The following GALNT18 variants were observed in gnomAD, a reference collection of about 807,000 sequenced individuals.
The protein encoded by GALNT18 is polypeptide N-acetylgalactosaminyltransferase 18.
A neutral mutation model predicts 69.5 loss-of-function variants in GALNT18; 44 were observed. The ratio of observed to expected loss-of-function variants is 0.63; its 90% CI spans 0.50 to 0.81. The LOEUF (loss-of-function observed/expected upper bound fraction) is 0.81, where lower values mean the gene tolerates loss of function less well. GALNT18 is among the 40% of genes least tolerant of loss of function. The pLI, the probability that GALNT18 is intolerant of heterozygous loss-of-function variation, is 0.00. For synonymous variants in GALNT18, 364 were observed against 318.2 expected, an observed-to-expected ratio of 1.14 and a Z score of -1.53; for missense variants, 715 against 810.0, an observed-to-expected ratio of 0.88 and a Z score of 1.42.
rs1473430795 is a variant in GALNT18, at chr11:11,592,065, T to C, written c.235+29294A>G. Among the ~76,000 whole-genome samples the C allele has an allele frequency of 3.3e-5, 5 of 152,218 alleles. No individual in the cohort carries two copies. Among genetic ancestry groups the C allele is most frequent in the Non-Finnish European group, 5.9e-5 (4 of 68,028 alleles). ...AAGATAAAGTGAGATAATTTGTGCA[T>C]AGCATTTAGCATGGTACCTGGCATG... is the stretch of plus-strand genomic sequence containing the variant. On this transcript the variant is annotated intron_variant, in intron 1 of 10. Coordinates refer to ENST00000227756, the MANE Select transcript of GALNT18 (RefSeq NM_198516.3). This position sits in a 1 kb window ranked among gnomAD's most constrained non-coding sequence, Gnocchi z 5.9.
Position 11,377,468 on chromosome 11 carries a change from G to T in GALNT18, c.780-89C>A, listed in dbSNP as rs1853794976. The T allele has an allele frequency of 1.1e-5, 13 of 1,178,960 alleles. No individual in the cohort carries two copies. In the South Asian group the frequency reaches 1.6e-4, roughly 14 times the overall value. The allele number at this position is 1,178,960 out of a possible 1,614,324, so 73.0% of individuals were successfully genotyped here. On this transcript the variant is annotated intron_variant, in intron 4 of 10. Transcript: ENST00000227756. The surrounding 1 kb of genome is among the most constrained non-coding windows in gnomAD (Gnocchi z 4.6). ...ATCTCCTGAAGGTCCTTCCCCAGCAGAAAGAGGAAGGAAGGCCTGCCCATC... is the reference window on the plus strand; with the variant it reads ...ATCTCCTGAAGGTCCTTCCCCAGCATAAAGAGGAAGGAAGGCCTGCCCATC...
intron 6 of GALNT18, among the ~76,000 whole-genome samples, chr11:11,362,266 G>A (rs972363677): frequency 2.6e-5 from 4 of 152,034 alleles, no homozygotes; most frequent in Admixed American, 2.0e-4. Context: ...ACCTGAGAGT[G>A]GGTAAGATTT....
chr11:11,271,466 G>A (rs1470023431), intron 10 of GALNT18, among the ~76,000 whole-genome samples, 176 bp from the exon 11 acceptor site: 2 of 152,124 alleles, frequency 1.3e-5, no homozygotes, highest in African/African-American at 4.8e-5. Context: ...AGTCTCCTCT[G>A]GAAGACTGAA....
rs538048703 is a variant in GALNT18 at position 11,381,331 on chromosome 11, G to A, written c.596-2067C>T. Among the ~76,000 whole-genome samples, 6 of 152,296 alleles carry A rather than the reference G, an allele frequency of 3.9e-5. No individual in the cohort carries two copies. The South Asian group carries it at 1.2e-3, about 32-fold the overall frequency. Reference sequence around the variant, plus strand: ...GTGTTGAGTGCACAGAACTTGAAGTGAGAACTGGGCTAGTACCAAATGGCC... The same window carrying A: ...GTGTTGAGTGCACAGAACTTGAAGTAAGAACTGGGCTAGTACCAAATGGCC... On this transcript the variant is annotated intron_variant, in intron 3 of 10. Coordinates refer to ENST00000227756, the MANE Select transcript of GALNT18 (RefSeq NM_198516.3).
At chr11:11,298,737 T>C (rs1439382609) in intron 9 of GALNT18, among the ~76,000 whole-genome samples, 1 of 152,198 alleles carries the variant, frequency 6.6e-6, no homozygotes, top group Non-Finnish European at 1.5e-5. Flanking sequence ...TCACAGCAGG[T>C]CTTCTTTTGT....
Position 11,604,171 on chromosome 11 carries a change from C to T in GALNT18, c.235+17188G>A, listed in dbSNP as rs955578501. 6.6e-6 allele frequency among the ~76,000 whole-genome samples: 1 copy of T among 152,234 alleles called. No homozygotes were observed. The highest frequency in any genetic ancestry group is 2.4e-5 in the African/African-American group (1 of 41,456). On this transcript the variant is annotated intron_variant, in intron 1 of 10. Coordinates refer to ENST00000227756, the MANE Select transcript of GALNT18 (RefSeq NM_198516.3). This position sits in a 1 kb window ranked among gnomAD's most constrained non-coding sequence, Gnocchi z 5.6. Reference sequence around the variant, plus strand: ...ATAAGTGTCTGTTATTAATACACCACACAGTTTATGGTATTTTGTTATAGC... The same window carrying T: ...ATAAGTGTCTGTTATTAATACACCATACAGTTTATGGTATTTTGTTATAGC...
chr11:11,454,054 C>T lies in GALNT18; in HGVS notation c.236-5118G>A, dbSNP rs564561521. Among the ~76,000 whole-genome samples the T allele has an allele frequency of 2.6e-5, 4 of 152,118 alleles. No homozygotes were observed. Among genetic ancestry groups the T allele is most frequent in the Admixed American group, 6.5e-5 (1 of 15,270 alleles). On this transcript the variant is annotated intron_variant, in intron 1 of 10. Transcript: ENST00000227756. This position sits in a 1 kb window ranked among gnomAD's most constrained non-coding sequence, Gnocchi z 4.2. The stretch of plus-strand genomic sequence containing the variant: ...GCTTAACCAATACCAGTAAAATGAA[C>T]GAATAGGGCATTAGCAGTGGGTCGT...
chr11:11,330,327 T>C (rs1849996327), intron 8 of GALNT18, among the ~76,000 whole-genome samples: 1 of 152,178 alleles, frequency 6.6e-6, no homozygotes, highest in South Asian at 2.1e-4. Flanking sequence ...CATTTTAGGA[T>C]AAAAATAATT....
chr11:11,474,090 G>A (rs1462564643), intron 1 of GALNT18, among the ~76,000 whole-genome samples: 2 of 152,016 alleles, frequency 1.3e-5, no homozygotes, highest in Admixed American at 6.6e-5. Context: ...CAACAAAACC[G>A]ATGTTAATAA....
At position 11,388,671 on chromosome 11, in the gene GALNT18, G is replaced by T. The variant is rs143341884; in HGVS notation, c.596-9407C>A. ...CGATGAGCTCGGCTAGTCCAGGTCA[G>T]CCCCAGCGCTGGTCTAACGCCCAGG... On this transcript the variant is annotated intron_variant, in intron 3 of 10. Transcript: ENST00000227756. 1.3e-3 allele frequency among the ~76,000 whole-genome samples: 195 copies of T among 152,298 alleles called. 1 individual carries two copies. The highest frequency in any genetic ancestry group is 0.013 in the East Asian group (66 of 5,174).
At chr11:11,438,572 G>A (rs1855460835) in intron 2 of GALNT18, among the ~76,000 whole-genome samples, 1 of 152,192 alleles carries the variant, frequency 6.6e-6, no homozygotes, top group African/African-American at 2.4e-5. Context: ...ATAGAGTCGA[G>A]ATGGTAAGTT....
At position 11,350,603 on chromosome 11, in the gene GALNT18, T is replaced by A. The variant is rs1316303016; in HGVS notation, c.1093-9599A>T. ...GAGACCCCTATTGCTCACTGACACC[T>A]GGGTGCTCCTCCATATTTCCCTGCA... On this transcript the variant is annotated intron_variant, in intron 6 of 10. Coordinates refer to ENST00000227756, the MANE Select transcript of GALNT18 (RefSeq NM_198516.3). 2.6e-5 allele frequency among the ~76,000 whole-genome samples: 4 copies of A among 152,150 alleles called. No homozygotes were observed. In the East Asian group the frequency reaches 7.7e-4, roughly 29 times the overall value.
chr11:11,449,382 C>T (rs967308692), intron 1 of GALNT18, among the ~76,000 whole-genome samples: 1 of 152,236 alleles, frequency 6.6e-6, no homozygotes, highest in African/African-American at 2.4e-5. Flanking sequence ...ACTCCTCCAC[C>T]CAGTTCTTGC....
chr11:11,433,120 T>C (rs1855312840), intron 2 of GALNT18, among the ~76,000 whole-genome samples: 1 of 152,202 alleles, frequency 6.6e-6, no homozygotes, highest in Non-Finnish European at 1.5e-5. Flanking sequence ...CTAAATCCAG[T>C]AGAATGGGGA....
chr11:11,609,096 C>T (rs1047853221), intron 1 of GALNT18, among the ~76,000 whole-genome samples: 8 of 152,210 alleles, frequency 5.3e-5, no homozygotes, highest in African/African-American at 1.9e-4. Context: ...CATTTTCCAC[C>T]ATACCTGGCA....
chr11:11,442,828 C>T (rs1405370334), intron 2 of GALNT18, among the ~76,000 whole-genome samples: 1 of 152,216 alleles, frequency 6.6e-6, no homozygotes, highest in Non-Finnish European at 1.5e-5. Flanking sequence ...CCAGTCCATC[C>T]TAACCCCTGG....
In GALNT18 at chr11:11,413,604, C is replaced by A. The variant is rs1854782167; in HGVS notation, c.595+19017G>T. On this transcript the variant is annotated intron_variant, in intron 3 of 10. Coordinates refer to ENST00000227756, the MANE Select transcript of GALNT18 (RefSeq NM_198516.3). The surrounding 1 kb of genome is among the most constrained non-coding windows in gnomAD (Gnocchi z 4.7). ...ACTGAGGTGTCAGCTTATATCAGAG[C>A]CACTCCTTCCCAGAAGCCTCCACTC... Among the ~76,000 whole-genome samples the A allele has an allele frequency of 6.6e-6, 1 of 152,196 alleles. No individual in the cohort carries two copies. Among genetic ancestry groups the A allele is most frequent in the Non-Finnish European group, 1.5e-5 (1 of 68,026 alleles).
At chr11:11,437,165 T>C (rs1855421209) in intron 2 of GALNT18, among the ~76,000 whole-genome samples, 1 of 152,210 alleles carries the variant, frequency 6.6e-6, no homozygotes, top group Non-Finnish European at 1.5e-5. Context: ...AGTCACACTC[T>C]GGGACCAGCC....
chr11:11,456,595 A>G (rs914794409), intron 1 of GALNT18, among the ~76,000 whole-genome samples: 1 of 152,180 alleles, frequency 6.6e-6, no homozygotes, highest in African/African-American at 2.4e-5. Flanking sequence ...ATCCTGCTCT[A>G]GGCTGTGTTG....
Sources: gnomAD v4.1 joint callset for allele counts (sites outside exome capture counted in the v4.1 genomes callset) on GRCh38, gnomAD v4.1.1 for gene constraint, Gnocchi (gnomAD v3.1) non-coding constraint, MANE v1.5 for transcripts, NCBI Gene and HGNC (gene_info 2026-07-23, HGNC 2026-07-21) for gene names.